Variants in PROK2 observed in about 807,000 individuals in gnomAD.
PROK2 encodes prokineticin-2.
PROK2 carries 8 observed loss-of-function variants against 14.2 expected under a neutral mutation model. The ratio of observed to expected loss-of-function variants is 0.56; its 90% CI spans 0.33 to 1.02. The LOEUF (loss-of-function observed/expected upper bound fraction) is 1.02, where lower values mean the gene tolerates loss of function less well. Ranked by LOEUF, PROK2 falls within the 50% of genes least tolerant of loss-of-function variation. PROK2 has a pLI of 0.03. For missense variants in PROK2, 154 were observed against 160.4 expected, an observed-to-expected ratio of 0.96 and a Z score of 0.22; for synonymous variants, 59 against 60.7, an observed-to-expected ratio of 0.97 and a Z score of 0.13.
chr3:71,779,152 C>T (rs540690094), intron 2 of PROK2, among the ~76,000 whole-genome samples: 1 of 152,212 alleles, frequency 6.6e-6, no homozygotes, highest in Non-Finnish European at 1.5e-5. Flanking sequence ...GACACAAATT[C>T]CCATTCTGAA....
intron 3 of PROK2, among the ~76,000 whole-genome samples, chr3:71,773,652 G>A (rs556727057): frequency 6.0e-4 from 92 of 152,300 alleles, no homozygotes; most frequent in African/African-American, 2.2e-3. Flanking sequence ...CAGATGCCAG[G>A]AGTCAAAATG....
intron 2 of PROK2, among the ~76,000 whole-genome samples, chr3:71,777,271 C>G (rs995743794): frequency 1.2e-4 from 18 of 152,286 alleles, no homozygotes; most frequent in African/African-American, 4.3e-4. Context: ...TAATCATAGA[C>G]AGTAGCTCTT....
intron 2 of PROK2, among the ~76,000 whole-genome samples, chr3:71,778,366 C>T (rs1416619048): frequency 6.6e-6 from 1 of 152,006 alleles, no homozygotes; most frequent in Non-Finnish European, 1.5e-5. Flanking sequence ...AATTATCAAA[C>T]ATAAAGTTCA....
chr3:71,784,300 T>C (rs944214251), intron 1 of PROK2, among the ~76,000 whole-genome samples: 4 of 152,228 alleles, frequency 2.6e-5, no homozygotes, highest in African/African-American at 4.8e-5. Flanking sequence ...TACTCCATCA[T>C]TATGCTGGAG....
In PROK2 at chr3:71,781,485, G is replaced by A. The variant is rs1000331930; in HGVS notation, c.204C>T (p.Cys68=). 3 of 1,614,064 alleles carry A rather than the reference G, an allele frequency of 1.9e-6. No homozygotes were observed. In the African/African-American group the frequency reaches 4.0e-5, roughly 22 times the overall value. The change falls in exon 2 of 4, where the codon TGC becomes TGT. Residue 68 remains cysteine (C), a synonymous_variant. Transcript: ENST00000295619. ...TACTAACTTTACGAGTCAGTGGATG[G>A]CAGCTGTCTCCCAGTTTGCCCATAG... ...CTPMGKLGDS[C]HPLTRKNNFG...
At chr3:71,774,775 T>A (rs968471898) in intron 2 of PROK2, among the ~76,000 whole-genome samples, 3 of 152,170 alleles carry the variant, frequency 2.0e-5, no homozygotes, top group Non-Finnish European at 4.4e-5. Flanking sequence ...GCCGGCTCTT[T>A]TGCTGCCACC....
chr3:71,772,372 A>G lies in PROK2; in HGVS notation c.*352T>C, dbSNP rs1241927286. Reference sequence around the variant, plus strand: ...CACAAATGGGGCTTGGGGTGGTGAGAAAAAAAAAAAAAAGTTTTTCTAACA... The same window carrying G: ...CACAAATGGGGCTTGGGGTGGTGAGGAAAAAAAAAAAAAGTTTTTCTAACA... On this transcript the variant is annotated 3_prime_UTR_variant, in exon 4 of 4. Transcript: ENST00000295619. 6 of 154,316 alleles carry G rather than the reference A, an allele frequency of 3.9e-5. No individual in the cohort carries two copies. The highest frequency in any genetic ancestry group is 1.6e-4 in the South Asian group (1 of 6,232). The allele number at this position is 154,316 out of a possible 1,614,324, so 9.6% of individuals were successfully genotyped here.
At chr3:71,772,968 C>A (rs2050092103) in intron 3 of PROK2, 140 bp from the exon 4 acceptor site, 1 of 721,162 alleles carries the variant, frequency 1.4e-6, no homozygotes, top group Admixed American at 2.4e-5. Flanking sequence ...ATGCTCAGTA[C>A]TTTTTATTTA....
intron 1 of PROK2, among the ~76,000 whole-genome samples, chr3:71,784,647 A>AGAAAAATT (rs2050196858): frequency 6.6e-6 from 1 of 152,198 alleles, no homozygotes; most frequent in Non-Finnish European, 1.5e-5. Context: ...TTTCAGCCTA[A>AGAAAAATT]CAGAAGAAAA....
Position 71,779,267 on chromosome 3 carries a change from C to T in PROK2, c.222+2200G>A, listed in dbSNP as rs529793054. On this transcript the variant is annotated intron_variant, in intron 2 of 3. Coordinates refer to ENST00000295619, the MANE Select transcript of PROK2 (RefSeq NM_001126128.2). Reference sequence around the variant, plus strand: ...TCAAATTAAACCCAACGACTGCTTTCGCGGAGGCAGAAGCGTGTAATGATT... The same window carrying T: ...TCAAATTAAACCCAACGACTGCTTTTGCGGAGGCAGAAGCGTGTAATGATT... Among the ~76,000 whole-genome samples, 8 of 152,306 alleles carry T rather than the reference C, an allele frequency of 5.3e-5. No individual in the cohort carries two copies. In the East Asian group the frequency reaches 1.3e-3, roughly 26 times the overall value.
chr3:71,773,764 G>A (rs1034424535), intron 3 of PROK2, among the ~76,000 whole-genome samples: 1 of 152,194 alleles, frequency 6.6e-6, no homozygotes, highest in African/African-American at 2.4e-5. Context: ...TGCTTCATTC[G>A]AGAGTCACTC....
chr3:71,778,134 T>C (rs576943461), intron 2 of PROK2, among the ~76,000 whole-genome samples: 28 of 150,684 alleles, frequency 1.9e-4, no homozygotes, highest in Non-Finnish European at 4.1e-4. Flanking sequence ...GAGGCGGAGC[T>C]TGCAGTGAGC....
chr3:71,777,317 T>C (rs964546811), intron 2 of PROK2, among the ~76,000 whole-genome samples: 11 of 152,226 alleles, frequency 7.2e-5, no homozygotes, highest in African/African-American at 2.7e-4. Context: ...AATCAGCATA[T>C]TATGCTTTCT....
intron 2 of PROK2, among the ~76,000 whole-genome samples, chr3:71,781,241 A>G (rs1195891420): frequency 6.6e-6 from 1 of 152,262 alleles, no homozygotes; most frequent in East Asian, 1.9e-4. Flanking sequence ...TTCTAACACC[A>G]TGAGAGCAGT....
Position 71,772,061 on chromosome 3 carries a change from G to A in PROK2, c.*663C>T, listed in dbSNP as rs1347734213. On this transcript the variant is annotated 3_prime_UTR_variant, in exon 4 of 4. Transcript: ENST00000295619. ...AACAGCAGAGCTGAAGTCCTCTTGA[G>A]TGACAGGTTTAGGAAGGGTCCAGCA... 4 of 152,336 alleles carry A rather than the reference G, an allele frequency of 2.6e-5. No individual in the cohort carries two copies. Among genetic ancestry groups the A allele is most frequent in the East Asian group, 3.8e-4 (2 of 5,200 alleles). 9.4% of individuals were successfully genotyped at this position (152,336 alleles called of 1,614,324 possible). A position where few individuals can be genotyped will look rare whatever the true frequency, so the allele number is the denominator to read the frequency against.
In PROK2 at chr3:71,771,940, A is replaced by G. The variant is rs2050082734; in HGVS notation, c.*784T>C. On this transcript the variant is annotated 3_prime_UTR_variant, in exon 4 of 4. Coordinates refer to ENST00000295619, the MANE Select transcript of PROK2 (RefSeq NM_001126128.2). ...AAAAAAACTTTATAAAAAGTAAAAGAAGTAAATGTAATCTTTTATTTTTAG... is the reference window on the plus strand; with the variant it reads ...AAAAAAACTTTATAAAAAGTAAAAGGAGTAAATGTAATCTTTTATTTTTAG... 6.6e-6 allele frequency: 1 copy of G among 152,288 alleles called. No individual in the cohort carries two copies. Among genetic ancestry groups the G allele is most frequent in the Non-Finnish European group, 1.5e-5 (1 of 68,042 alleles). The allele number at this position is 152,288 out of a possible 1,614,324, so 9.4% of individuals were successfully genotyped here.
chr3:71,773,265 T>C (rs1281246132), intron 3 of PROK2, among the ~76,000 whole-genome samples: 3 of 152,114 alleles, frequency 2.0e-5, no homozygotes, highest in Non-Finnish European at 4.4e-5. Flanking sequence ...CATATGTGAG[T>C]TACCATACCC....
In PROK2 at chr3:71,784,956, C is replaced by T; in HGVS notation, c.96+1G>A. ...CAGACAGGTGCGCCCGGGCCGCTTA[C>T]CCCGGTGATCACGGCGGCGTCCCCA... is the stretch of plus-strand genomic sequence containing the variant. On this transcript the variant is annotated splice_donor_variant, in intron 1 of 3. Transcript: ENST00000295619. LOFTEE classifies it high-confidence loss of function. 1.6e-6 allele frequency: 2 copies of T among 1,246,926 alleles called. No homozygotes were observed. The highest frequency in any genetic ancestry group is 2.0e-6 in the Non-Finnish European group (2 of 993,802). The allele number at this position is 1,246,926 out of a possible 1,614,324, so 77.2% of individuals were successfully genotyped here.
intron 2 of PROK2, among the ~76,000 whole-genome samples, chr3:71,778,070 G>C (rs546802598): frequency 6.6e-6 from 1 of 152,004 alleles, no homozygotes; most frequent in Non-Finnish European, 1.5e-5. Context: ...GGTTGTGGGC[G>C]CCTGTAGTCC....
Sources: gnomAD v4.1 joint callset for allele counts (sites outside exome capture counted in the v4.1 genomes callset) on GRCh38, gnomAD v4.1.1 for gene constraint, MANE v1.5 for transcripts, NCBI Gene and HGNC (gene_info 2026-07-23, HGNC 2026-07-21) for gene names.